The following MRTFA variants were observed in gnomAD, a reference collection of about 807,000 sequenced individuals.
MRTFA encodes the protein myocardin-related transcription factor A.
A neutral mutation model predicts 83.5 loss-of-function variants in MRTFA; 20 were observed. That is an observed-to-expected ratio of 0.24 (90% CI 0.17 to 0.35). The LOEUF (loss-of-function observed/expected upper bound fraction) is 0.35, where lower values mean the gene tolerates loss of function less well. Among genes scored for constraint, MRTFA ranks in the 10% least tolerant of loss-of-function variants. The pLI, the probability that MRTFA is intolerant of heterozygous loss-of-function variation, is 1.00. For synonymous variants in MRTFA, 659 were observed against 541.2 expected (o/e 1.22, Z -3.02); for missense variants, 1,200 against 1,224.7 (o/e 0.98, Z 0.30).
Position 40,615,812 on chromosome 22 carries a change from G to A in MRTFA, c.-84+20666C>T, listed in dbSNP as rs1045330334. The stretch of plus-strand genomic sequence containing the variant: ...TGATTCTCCTGCCTCAGCCTCCCGA[G>A]TAGCTGGAATTACAGATGGCCACCA... On this transcript the variant is annotated intron_variant, in intron 1 of 14. Coordinates refer to ENST00000355630, the MANE Select transcript of MRTFA (RefSeq NM_020831.6). Among the ~76,000 whole-genome samples the A allele has an allele frequency of 3.3e-5, 5 of 151,606 alleles. No homozygotes were observed. In the South Asian group the frequency reaches 1.0e-3, roughly 32 times the overall value.
rs551267117 is a variant in MRTFA, at chr22:40,410,508, G to A, written c.*882C>T. 9.1e-4 allele frequency: 212 copies of A among 233,372 alleles called. No homozygotes were observed. Among genetic ancestry groups the A allele is most frequent in the Middle Eastern group, 1.3e-3 (1 of 784 alleles). 14.5% of individuals were successfully genotyped at this position (233,372 alleles called of 1,614,324 possible). Reference sequence around the variant, plus strand: ...GCCACGCTGGCTGCAGTGAGGCGGCGGGGACGGAATGTGAGTGGGTGGAGA... The same window carrying A: ...GCCACGCTGGCTGCAGTGAGGCGGCAGGGACGGAATGTGAGTGGGTGGAGA... On this transcript the variant is annotated 3_prime_UTR_variant, in exon 15 of 15. Coordinates refer to ENST00000355630, the MANE Select transcript of MRTFA (RefSeq NM_020831.6).
Position 40,429,580 on chromosome 22 carries a change from A to G in MRTFA, c.601+26T>C, listed in dbSNP as rs765113736. The G allele has an allele frequency of 4.3e-6, 7 of 1,613,766 alleles. No homozygotes were observed. In the East Asian group the frequency reaches 1.6e-4, roughly 36 times the overall value. ...CCCTCCTGCATCTCAGCTGCCTCTCACACAGGGTGGCTGGGTCCTCCTCAC... is the reference window on the plus strand; with the variant it reads ...CCCTCCTGCATCTCAGCTGCCTCTCGCACAGGGTGGCTGGGTCCTCCTCAC... On this transcript the variant is annotated intron_variant, in intron 7 of 14. Coordinates refer to ENST00000355630, the MANE Select transcript of MRTFA (RefSeq NM_020831.6).
chr22:40,520,497 C>T (rs1049875757), intron 3 of MRTFA, among the ~76,000 whole-genome samples: 2 of 152,118 alleles, frequency 1.3e-5, no homozygotes, highest in African/African-American at 2.4e-5. Context: ...ACCTCCATCT[C>T]CCAGGTTCAA....
intron 2 of MRTFA, among the ~76,000 whole-genome samples, chr22:40,564,538 TTC>T (rs2055674127): frequency 6.6e-6 from 1 of 152,202 alleles, no homozygotes; most frequent in Admixed American, 6.5e-5. Context: ...CTCACCATCC[TTC>T]TGATTCCTAA....
intron 5 of MRTFA, among the ~76,000 whole-genome samples, chr22:40,434,380 TAAAAAAA>T (rs113759032): frequency 7.5e-6 from 1 of 133,026 alleles, no homozygotes; most frequent in East Asian, 2.1e-4. Context: ...AAAGAAAGTT[TAAAAAAA>T]AAAAAAAAAA....
At chr22:40,494,248 ATAT>A (rs1472038963) in intron 3 of MRTFA, among the ~76,000 whole-genome samples, 2 of 152,308 alleles carry the variant, frequency 1.3e-5, no homozygotes, top group South Asian at 2.1e-4. Flanking sequence ...ATAAAGGGAG[ATAT>A]TATTATTTTA....
intron 3 of MRTFA, among the ~76,000 whole-genome samples, chr22:40,500,478 G>T (rs896429899): frequency 6.7e-6 from 1 of 148,848 alleles, no homozygotes; most frequent in South Asian, 2.1e-4. Flanking sequence ...ATAGTGGAGG[G>T]AAGGTCAGCA....
intron 1 of MRTFA, among the ~76,000 whole-genome samples, chr22:40,599,810 G>C (rs963928227): frequency 1.3e-5 from 2 of 151,718 alleles, no homozygotes; most frequent in Non-Finnish European, 2.9e-5. Flanking sequence ...GAGGTAGGAG[G>C]ATCGCTTGAC....
intron 1 of MRTFA, among the ~76,000 whole-genome samples, chr22:40,629,853 G>A (rs1211724236): frequency 6.6e-6 from 1 of 150,710 alleles, no homozygotes; most frequent in East Asian, 2.0e-4. Context: ...GGAGGCAGAG[G>A]CAGAAGGATC....
At chr22:40,448,421 C>A (rs753964525) in intron 4 of MRTFA, among the ~76,000 whole-genome samples, 2 of 152,146 alleles carry the variant, frequency 1.3e-5, no homozygotes, top group African/African-American at 4.8e-5. Flanking sequence ...TTGCTGTGAG[C>A]CAAGATCACA....
chr22:40,535,744 C>G (rs2055160605), intron 3 of MRTFA, among the ~76,000 whole-genome samples: 1 of 152,140 alleles, frequency 6.6e-6, no homozygotes, highest in Non-Finnish European at 1.5e-5. Flanking sequence ...TAAATATAAA[C>G]TTTAAGATTC....
At chr22:40,430,801 C>T (rs1202939847) in intron 6 of MRTFA, among the ~76,000 whole-genome samples, 1 of 135,612 alleles carries the variant, frequency 7.4e-6, no homozygotes, top group Non-Finnish European at 1.5e-5. Flanking sequence ...TAAGAGGTTG[C>T]AGTGAGCCAT....
At chr22:40,598,484 G>A (rs2056217992) in intron 1 of MRTFA, among the ~76,000 whole-genome samples, 1 of 152,014 alleles carries the variant, frequency 6.6e-6, no homozygotes, top group Non-Finnish European at 1.5e-5. Flanking sequence ...ATTTTCAGTT[G>A]GGGAACTACA....
intron 3 of MRTFA, among the ~76,000 whole-genome samples, chr22:40,497,882 C>T (rs1376650383): frequency 3.3e-5 from 5 of 152,206 alleles, no homozygotes; most frequent in Admixed American, 2.6e-4. Flanking sequence ...ACCTGTAATC[C>T]CAGCACTTTG....
In MRTFA at chr22:40,417,047, C is replaced by A; in HGVS notation, c.2518-1G>T. The A allele has an allele frequency of 6.3e-7, 1 of 1,590,102 alleles. No individual in the cohort carries two copies. On this transcript the variant is annotated splice_acceptor_variant, in intron 13 of 14. Coordinates refer to ENST00000355630, the MANE Select transcript of MRTFA (RefSeq NM_020831.6). LOFTEE classifies it high-confidence loss of function. ...TCTGCTGGCTTGAGGAACCATTTTC[C>A]TGTGGGACAAAGGAAAAAAAAAAAA...
At chr22:40,505,694 G>T (rs2054568879) in intron 3 of MRTFA, among the ~76,000 whole-genome samples, 1 of 152,192 alleles carries the variant, frequency 6.6e-6, no homozygotes, top group South Asian at 2.1e-4. Flanking sequence ...CAGCTTTCGG[G>T]TGGCTTGCCC....
At chr22:40,421,166 ACT>A in intron 9 of MRTFA, 66 bp from the exon 10 acceptor site, 1 of 1,470,850 alleles carries the variant, frequency 6.8e-7, no homozygotes, top group Non-Finnish European at 9.1e-7. Flanking sequence ...GGGGCTGGCA[ACT>A]CTCCCCACAC....
chr22:40,523,056 C>T (rs2054897467), intron 3 of MRTFA: 1 of 151,842 alleles, frequency 6.6e-6, no homozygotes, highest in African/African-American at 2.4e-5. Flanking sequence ...AAGATCCTTC[C>T]CAGTTAAACA....
At chr22:40,445,828 G>A (rs1002507240) in intron 4 of MRTFA, among the ~76,000 whole-genome samples, 3 of 152,174 alleles carry the variant, frequency 2.0e-5, no homozygotes, top group Non-Finnish European at 4.4e-5. Flanking sequence ...GATTACAGGC[G>A]TGAGCCACCA....
Sources: allele counts gnomAD v4.1 joint callset (sites outside exome capture counted in the v4.1 genomes callset), GRCh38; gene constraint gnomAD v4.1.1; transcripts MANE v1.5; gene names NCBI Gene and HGNC (gene_info 2026-07-23, HGNC 2026-07-21).